PPP2R2D: variants seen among roughly 807,000 people sequenced by gnomAD.
The protein encoded by PPP2R2D is serine/threonine-protein phosphatase 2A 55 kDa regulatory subunit B delta isoform.
Under a neutral mutation model 31.1 loss-of-function variants are expected in PPP2R2D, and 9 were observed. The observed-to-expected ratio is 0.29, with a 90% CI of 0.17 to 0.51. The LOEUF (loss-of-function observed/expected upper bound fraction) is 0.51. Among genes scored for constraint, PPP2R2D ranks in the 20% least tolerant of loss-of-function variants. The pLI, the probability that PPP2R2D is intolerant of heterozygous loss-of-function variation, is 0.98. For synonymous variants in PPP2R2D, 179 were observed against 172.6 expected, an observed-to-expected ratio of 1.04 and a Z score of -0.29; for missense variants, 391 against 465.6, an observed-to-expected ratio of 0.84 and a Z score of 1.48.
At chr10:131,901,518 C>A (rs1318863662) in intron 2 of PPP2R2D, among the ~76,000 whole-genome samples, 188 bp downstream of exon 2, 1 of 151,746 alleles carries the variant, frequency 6.6e-6, no homozygotes, top group Admixed American at 6.5e-5. Context: ...CTGTCCCGGC[C>A]CGCGGGGCAC....
chr10:131,950,486 C>T (rs1292026805), intron 8 of PPP2R2D, among the ~76,000 whole-genome samples: 1 of 151,786 alleles, frequency 6.6e-6, no homozygotes, highest in Non-Finnish European at 1.5e-5. Flanking sequence ...AGCCAGAAGC[C>T]GTGTGACAGA....
intron 2 of PPP2R2D, among the ~76,000 whole-genome samples, chr10:131,903,466 CAAAAAAAAAA>C (rs1175160035): frequency 6.7e-5 from 5 of 74,430 alleles, no homozygotes; most frequent in African/African-American, 2.1e-4. Flanking sequence ...GGCTCCATCT[CAAAAAAAAAA>C]AAAAAAAAAA....
the PPP2R2D span, chr10:131,970,464 G>A: frequency 3.6e-5 from 34 of 941,810 alleles, no homozygotes; most frequent in Middle Eastern, 6.6e-4. This position sits in a 1 kb window ranked among gnomAD's most constrained non-coding sequence, Gnocchi z 4.1. Flanking sequence ...GGCCTTTGGG[G>A]GCTGCAGGCT....
intron 2 of PPP2R2D, among the ~76,000 whole-genome samples, chr10:131,922,575 C>G (rs1024151221): frequency 1.4e-4 from 22 of 151,854 alleles, no homozygotes; most frequent in Admixed American, 3.3e-4. Context: ...GCCTCAGTCC[C>G]CCGAGTAGCT....
At chr10:131,923,487 T>C (rs368184852) in intron 2 of PPP2R2D, among the ~76,000 whole-genome samples, 1 of 152,238 alleles carries the variant, frequency 6.6e-6, no homozygotes, top group Non-Finnish European at 1.5e-5. Context: ...CTTGGTCATA[T>C]GGCAACTGTG....
In PPP2R2D at chr10:131,945,364, C is replaced by G. The variant is rs1344208198; in HGVS notation, c.725C>G (p.Pro242Arg). 1 of 1,614,214 alleles carries G rather than the reference C, an allele frequency of 6.2e-7. No homozygotes were observed. The highest frequency in any genetic ancestry group is 1.7e-5 in the Admixed American group (1 of 60,028). ...GTCATCACTGCAGCCGAGTTCCACC[C>G]GCACCAGTGCAACGTGTTCGTCTAC... ...TEVITAAEFH[P>R]HQCNVFVYSS... Residue 242 changes from proline to arginine, a missense_variant, in exon 7 of 9, where the codon CCG becomes CGG. By Grantham distance (103) the Pro-to-Arg change is moderately radical. This residue lies in a region of PPP2R2D where 123 missense variants were observed against 187.7 expected (regional missense o/e 0.66). Coordinates refer to ENST00000455566, the MANE Select transcript of PPP2R2D (RefSeq NM_018461.5). The surrounding 1 kb of genome is among the most constrained non-coding windows in gnomAD (Gnocchi z 4.8).
At chr10:131,944,771 A>G (rs2036504921) in intron 6 of PPP2R2D, among the ~76,000 whole-genome samples, 1 of 152,198 alleles carries the variant, frequency 6.6e-6, no homozygotes, top group African/African-American at 2.4e-5. Context: ...GCTAGTCTGA[A>G]TTGGCCCACA....
At chr10:131,933,126 C>T (rs2036272406) in intron 2 of PPP2R2D, among the ~76,000 whole-genome samples, 1 of 152,208 alleles carries the variant, frequency 6.6e-6, no homozygotes, top group South Asian at 2.1e-4. Flanking sequence ...CCTAATCCTT[C>T]TTCCAAAGTC....
chr10:131,914,675 A>G (rs1554892839), intron 2 of PPP2R2D, among the ~76,000 whole-genome samples: 2 of 152,150 alleles, frequency 1.3e-5, no homozygotes, highest in African/African-American at 4.8e-5. Flanking sequence ...GCAGTCTGTG[A>G]CACATTGGGT....
At chr10:131,940,516 C>T (rs1554897076) in intron 4 of PPP2R2D, 66 bp from the exon 5 acceptor site, 2 of 694,794 alleles carry the variant, frequency 2.9e-6, no homozygotes, top group Admixed American at 2.2e-5. Flanking sequence ...AATACCAGTA[C>T]TCAAACAGTA....
At chr10:131,910,177 ACT>A (rs2035660965) in intron 2 of PPP2R2D, among the ~76,000 whole-genome samples, 1 of 151,588 alleles carries the variant, frequency 6.6e-6, no homozygotes, top group Admixed American at 6.6e-5. Context: ...ACGTTTCTGT[ACT>A]CTCTTCCGTC....
chr10:131,949,494 A>G (rs530821642), intron 8 of PPP2R2D, among the ~76,000 whole-genome samples: 10 of 152,314 alleles, frequency 6.6e-5, no homozygotes, highest in African/African-American at 2.4e-4. Context: ...ATGAGCTCAC[A>G]GGTGAAAATT....
intron 2 of PPP2R2D, among the ~76,000 whole-genome samples, chr10:131,904,368 G>T (rs1481539483): frequency 6.6e-6 from 1 of 152,088 alleles, no homozygotes; most frequent in East Asian, 1.9e-4. Flanking sequence ...AAATTAGCCG[G>T]GTGTGATGGC....
intron 3 of PPP2R2D, chr10:131,935,116 T>C (rs2036315313): frequency 2.7e-6 from 1 of 363,720 alleles, no homozygotes; most frequent in Non-Finnish European, 5.5e-6. Context: ...AAGCAAGCAC[T>C]GGCTTCCCGG....
At chr10:131,962,254 G>GT, downstream of PPP2R2D, among the ~76,000 whole-genome samples, 1 of 152,300 alleles carries the variant, frequency 6.6e-6, no homozygotes, top group East Asian at 1.9e-4. Context: ...CTGAAACCGC[G>GT]TTTCGTGAAG....
chr10:131,938,323 A>G (rs781841264), intron 3 of PPP2R2D, among the ~76,000 whole-genome samples: 28 of 152,248 alleles, frequency 1.8e-4, no homozygotes, highest in Non-Finnish European at 3.4e-4. Context: ...GATATTGGTT[A>G]TAGAGCAAGA....
intron 8 of PPP2R2D, among the ~76,000 whole-genome samples, chr10:131,954,331 T>C (rs1554899575): frequency 6.6e-6 from 1 of 152,274 alleles, no homozygotes; most frequent in Non-Finnish European, 1.5e-5. Flanking sequence ...TAATGGTTAC[T>C]GTTGAGTTTT....
intron 2 of PPP2R2D, among the ~76,000 whole-genome samples, chr10:131,902,097 C>G (rs965578321): frequency 6.6e-6 from 1 of 152,116 alleles, no homozygotes; most frequent in African/African-American, 2.4e-5. Flanking sequence ...TGAAGCTTAC[C>G]TGTCACCTTA....
At position 131,959,356 on chromosome 10, in the gene PPP2R2D, C is replaced by T. The variant is rs1201814086; in HGVS notation, c.*3393C>T. On this transcript the variant is annotated 3_prime_UTR_variant, in exon 9 of 9. Coordinates refer to ENST00000455566, the MANE Select transcript of PPP2R2D (RefSeq NM_018461.5). Reference sequence around the variant, plus strand: ...TGAAGGCGTGTGCTCATCCCCCATCCCCCTGTGGAGATGAAGGCGTGTGCT... The same window carrying T: ...TGAAGGCGTGTGCTCATCCCCCATCTCCCTGTGGAGATGAAGGCGTGTGCT... 1 of 149,392 alleles carries T rather than the reference C, an allele frequency of 6.7e-6. No individual in the cohort carries two copies. The highest frequency in any genetic ancestry group is 2.1e-4 in the East Asian group (1 of 4,842). The allele number at this position is 149,392 out of a possible 1,614,324, so 9.3% of individuals were successfully genotyped here.
Sources: allele counts gnomAD v4.1 joint callset (sites outside exome capture counted in the v4.1 genomes callset), GRCh38; gene constraint gnomAD v4.1.1; regional missense constraint gnomAD v4.1.1; non-coding constraint Gnocchi (gnomAD v3.1); transcripts MANE v1.5; gene names NCBI Gene and HGNC (gene_info 2026-07-23, HGNC 2026-07-21).